The following FCER1A variants were observed in gnomAD, a reference collection of about 807,000 sequenced individuals.
FCER1A encodes Fc epsilon receptor Ia.
FCER1A carries 24 observed loss-of-function variants against 23.6 expected under a neutral mutation model. The ratio of observed to expected loss-of-function variants is 1.02; its 90% CI spans 0.74 to 1.43. The LOEUF is 1.43. Among genes scored for constraint, FCER1A ranks in the 40% most tolerant of loss-of-function variants. FCER1A has a pLI of 0.00. For synonymous variants in FCER1A, 121 were observed against 108.8 expected (o/e 1.11, Z -0.70); for missense variants, 318 against 294.5 (o/e 1.08, Z -0.58).
At chr1:159,303,741 T>TC (rs1466528357) in intron 2 of FCER1A, among the ~76,000 whole-genome samples, 187 bp from the exon 3 acceptor site, 2 of 152,232 alleles carry the variant, frequency 1.3e-5, no homozygotes, top group African/African-American at 4.8e-5. Flanking sequence ...TGTTGGGCGT[T>TC]CCCTGGGGCA....
chr1:159,307,304 T>C (rs1375928134), intron 4 of FCER1A, among the ~76,000 whole-genome samples: 1 of 152,214 alleles, frequency 6.6e-6, no homozygotes, highest in East Asian at 1.9e-4. Context: ...CACAAAATAA[T>C]AGAATTGGAA....
chr1:159,302,943 C>T, intron 2 of FCER1A, 69 bp downstream of exon 2: 2 of 1,421,000 alleles, frequency 1.4e-6, no homozygotes, highest in Non-Finnish European at 2.0e-6. Flanking sequence ...TCACTATTTT[C>T]TTCGTCCCAT....
chr1:159,297,547 A>G (rs1652323747), upstream of FCER1A, among the ~76,000 whole-genome samples: 1 of 152,206 alleles, frequency 6.6e-6, no homozygotes, highest in South Asian at 2.1e-4. Context: ...CCCTTAAGGT[A>G]GGTACTATTA....
In FCER1A at chr1:159,304,162, T is replaced by G. The variant is rs1274688302; in HGVS notation, c.311T>G (p.Val104Gly). 8 of 1,613,856 alleles carry G rather than the reference T, an allele frequency of 5.0e-6. No individual in the cohort carries two copies. The Admixed American group carries it at 1.0e-4, about 20-fold the overall frequency. The change falls in exon 3 of 5, where the codon GTG becomes GGG. Residue 104 changes from valine to glycine, a missense_variant. Coordinates refer to ENST00000693622, the MANE Select transcript of FCER1A (RefSeq NM_001387280.1). ...QHQQVNESEP[V>G]YLEVFSDWLL... ...CAACAAGTTAATGAGAGTGAACCTG[T>G]GTACCTGGAAGTCTTCAGTGGTAAG...
At chr1:159,293,422 T>C (rs1652210282) in intron 1 of FCER1A, among the ~76,000 whole-genome samples, 1 of 152,056 alleles carries the variant, frequency 6.6e-6, no homozygotes, top group African/African-American at 2.4e-5. Context: ...CTTTAAGTTT[T>C]AGGGTACATA....
At chr1:159,297,874 CA>C (rs1652336018), upstream of FCER1A, among the ~76,000 whole-genome samples, 1 of 151,856 alleles carries the variant, frequency 6.6e-6, no homozygotes, top group South Asian at 2.1e-4. Flanking sequence ...AACCCAGTCT[CA>C]AAAAAAATTT....
intron 1 of FCER1A, among the ~76,000 whole-genome samples, chr1:159,290,899 T>A (rs1456897653): frequency 6.6e-6 from 1 of 152,192 alleles, no homozygotes; most frequent in Non-Finnish European, 1.5e-5. Flanking sequence ...TTCTACGCAG[T>A]ATTCCACATA....
chr1:159,287,738 G>T (rs1397444976), upstream of FCER1A, among the ~76,000 whole-genome samples: 1 of 147,072 alleles, frequency 6.8e-6, no homozygotes. Context: ...ATGTATATAG[G>T]CATATTTATA....
chr1:159,300,605 A>G (rs1434534587), upstream of FCER1A, among the ~76,000 whole-genome samples: 1 of 152,182 alleles, frequency 6.6e-6, no homozygotes, highest in Non-Finnish European at 1.5e-5. Context: ...GATATATTAA[A>G]CTAGCATAAG....
chr1:159,286,035 C>G (rs911337637), upstream of FCER1A, among the ~76,000 whole-genome samples: 11 of 151,700 alleles, frequency 7.3e-5, no homozygotes, highest in African/African-American at 2.7e-4. Flanking sequence ...ACCAAAAATA[C>G]AAAAATTAGC....
chr1:159,288,807 T>C (rs1652079813), upstream of FCER1A, among the ~76,000 whole-genome samples: 2 of 152,184 alleles, frequency 1.3e-5, no homozygotes, highest in African/African-American at 4.8e-5. Flanking sequence ...CTTGGTCCTG[T>C]ATCTTCAACT....
At chr1:159,292,827 G>C (rs1652189322) in intron 1 of FCER1A, among the ~76,000 whole-genome samples, 2 of 151,980 alleles carry the variant, frequency 1.3e-5, no homozygotes, top group Admixed American at 1.3e-4. Context: ...ACCTAATTAT[G>C]AATTAATAGA....
At chr1:159,305,939 C>G (rs1486016309) in intron 3 of FCER1A, 49 bp from the exon 4 acceptor site, 1 of 1,531,924 alleles carries the variant, frequency 6.5e-7, no homozygotes, top group Non-Finnish European at 9.0e-7. Context: ...TATTCATTCT[C>G]TCTCTCTTCA....
chr1:159,292,369 T>C (rs1205242234), intron 1 of FCER1A, among the ~76,000 whole-genome samples: 1 of 152,140 alleles, frequency 6.6e-6, no homozygotes, highest in Non-Finnish European at 1.5e-5. Context: ...TTAAATATAG[T>C]ACTTCCCCAG....
chr1:159,296,389 C>G (rs1652293891), intron 1 of FCER1A, among the ~76,000 whole-genome samples: 4 of 152,080 alleles, frequency 2.6e-5, no homozygotes, highest in Non-Finnish European at 5.9e-5. Context: ...ATGAGTGCTA[C>G]AAAAACAGAC....
chr1:159,306,203 C>T lies in FCER1A; in HGVS notation c.547C>T (p.Leu183=). The change falls in exon 4 of 5, where the codon CTG becomes TTG. Residue 183 remains leucine, a synonymous_variant. Transcript: ENST00000693622. ...CTACTGTACGGGCAAAGTGTGGCAG[C>T]TGGACTATGAGTCTGAGCCCCTCAA... ...TYYCTGKVWQ[L]DYESEPLNIT... The T allele has an allele frequency of 6.2e-6, 10 of 1,614,126 alleles. No individual in the cohort carries two copies. Among genetic ancestry groups the T allele is most frequent in the Non-Finnish European group, 8.5e-6 (10 of 1,180,016 alleles).
upstream of FCER1A, among the ~76,000 whole-genome samples, chr1:159,287,669 T>C (rs925294716): frequency 6.7e-6 from 1 of 148,592 alleles, no homozygotes; most frequent in African/African-American, 2.4e-5. Context: ...TATATACACA[T>C]TGTTATATAT....
chr1:159,286,805 C>G (rs1652030997), upstream of FCER1A, among the ~76,000 whole-genome samples: 1 of 152,052 alleles, frequency 6.6e-6, no homozygotes, highest in Non-Finnish European at 1.5e-5. Context: ...AATTCTGATC[C>G]AGTGTATATT....
At chr1:159,291,298 A>G (rs1359496014) in intron 1 of FCER1A, among the ~76,000 whole-genome samples, 1 of 152,108 alleles carries the variant, frequency 6.6e-6, no homozygotes, top group African/African-American at 2.4e-5. Context: ...AAAGTGATCA[A>G]GTCCTAGATT....
Sources: gnomAD v4.1 joint callset for allele counts (sites outside exome capture counted in the v4.1 genomes callset) on GRCh38, gnomAD v4.1.1 for gene constraint, MANE v1.5 for transcripts, NCBI Gene and HGNC (gene_info 2026-07-23, HGNC 2026-07-21) for gene names.